DNM3: variants seen among roughly 807,000 people sequenced by gnomAD.
DNM3 encodes dynamin 3.
In DNM3, 47 loss-of-function variants were observed where a neutral mutation model predicts 101.6. The observed-to-expected ratio is 0.46, with a 90% CI of 0.37 to 0.59. The LOEUF (loss-of-function observed/expected upper bound fraction) is 0.59. DNM3 is among the 20% of genes least tolerant of loss of function. The pLI, the probability that DNM3 is intolerant of heterozygous loss-of-function variation, is 0.00. For synonymous variants in DNM3, 385 were observed against 387.9 expected, an observed-to-expected ratio of 0.99 and a Z score of 0.09; for missense variants, 849 against 1,085.7, an observed-to-expected ratio of 0.78 and a Z score of 3.06.
At chr1:172,123,838 A>T (rs1475016808) in intron 13 of DNM3, among the ~76,000 whole-genome samples, 1 of 152,156 alleles carries the variant, frequency 6.6e-6, no homozygotes. Flanking sequence ...TCTGGTGGCC[A>T]ACCAGGGCTG....
chr1:171,945,697 T>G (rs543769819), intron 2 of DNM3, among the ~76,000 whole-genome samples: 13 of 152,260 alleles, frequency 8.5e-5, no homozygotes, highest in African/African-American at 2.9e-4. Context: ...CTAAAATGAT[T>G]TTTATTTTTA....
intron 17 of DNM3, among the ~76,000 whole-genome samples, chr1:172,336,363 T>C (rs2066427439): frequency 6.6e-6 from 1 of 152,124 alleles, no homozygotes; most frequent in Admixed American, 6.6e-5. Flanking sequence ...AATTTATTAT[T>C]GTATACAAAT....
chr1:172,258,569 G>A (rs1007203225), intron 15 of DNM3, among the ~76,000 whole-genome samples: 5 of 151,912 alleles, frequency 3.3e-5, no homozygotes, highest in African/African-American at 4.8e-5. Context: ...TTCATAATAA[G>A]CTCTGATGTT....
At chr1:171,953,135 G>A (rs1225488922) in intron 2 of DNM3, among the ~76,000 whole-genome samples, 1 of 152,152 alleles carries the variant, frequency 6.6e-6, no homozygotes, top group Non-Finnish European at 1.5e-5. Flanking sequence ...GGTATCTAGA[G>A]GACTAACATC....
Position 172,368,377 on chromosome 1 carries a change from A to T in DNM3, c.1894-10641A>T, listed in dbSNP as rs73046853. 1.8e-3 allele frequency among the ~76,000 whole-genome samples: 278 copies of T among 152,072 alleles called. 1 individual carries two copies. The highest frequency in any genetic ancestry group is 6.4e-3 in the African/African-American group (267 of 41,538). Reference sequence around the variant, plus strand: ...TAAACAACATGCTCCAAAACAACCAAAGGGTAAATTAAGAAATTAAGAAGT... The same window carrying T: ...TAAACAACATGCTCCAAAACAACCATAGGGTAAATTAAGAAATTAAGAAGT... On this transcript the variant is annotated intron_variant, in intron 17 of 20. Transcript: ENST00000627582.
intron 2 of DNM3, among the ~76,000 whole-genome samples, chr1:171,970,727 A>G (rs574582039): frequency 3.1e-5 from 3 of 98,018 alleles, no homozygotes; most frequent in Non-Finnish European, 5.4e-5. Flanking sequence ...TCAATATTGT[A>G]TATATGATGT....
intron 4 of DNM3, among the ~76,000 whole-genome samples, chr1:172,023,391 G>A (rs2047978784): frequency 6.6e-6 from 1 of 152,108 alleles, no homozygotes; most frequent in Admixed American, 6.5e-5. Context: ...TGCAAGTCTG[G>A]AAATATCTTT....
intron 2 of DNM3, among the ~76,000 whole-genome samples, chr1:171,974,313 C>T (rs1201508024): frequency 6.6e-6 from 1 of 152,166 alleles, no homozygotes; most frequent in East Asian, 1.9e-4. Context: ...AAAATGAGTG[C>T]ACTTGCTTTT....
intron 10 of DNM3, among the ~76,000 whole-genome samples, chr1:172,064,836 A>C (rs893559739): frequency 6.6e-6 from 1 of 152,084 alleles, no homozygotes; most frequent in Non-Finnish European, 1.5e-5. Context: ...GTGTCTCTTC[A>C]AGGTTTTTCC....
At chr1:171,913,684 C>A (rs2039485811) in intron 1 of DNM3, among the ~76,000 whole-genome samples, 1 of 152,148 alleles carries the variant, frequency 6.6e-6, no homozygotes, top group Admixed American at 6.6e-5. Context: ...CTGTCTTTCT[C>A]TTCCTATCTC....
chr1:172,358,108 G>A (rs1397287930), intron 17 of DNM3, among the ~76,000 whole-genome samples: 1 of 152,054 alleles, frequency 6.6e-6, no homozygotes, highest in East Asian at 1.9e-4. Flanking sequence ...CCTATTGGGA[G>A]GGTATACAGA....
At chr1:171,935,648 A>G (rs1241162109) in intron 2 of DNM3, among the ~76,000 whole-genome samples, 1 of 152,102 alleles carries the variant, frequency 6.6e-6, no homozygotes, top group Non-Finnish European at 1.5e-5. Context: ...GCCAGCTCCT[A>G]AGATCTGATT....
intron 14 of DNM3, among the ~76,000 whole-genome samples, chr1:172,145,893 G>C (rs1209156731): frequency 3.3e-5 from 5 of 152,074 alleles, no homozygotes; most frequent in African/African-American, 1.2e-4. Flanking sequence ...TAAGATATCA[G>C]CCCACTGGCA....
At chr1:172,123,195 C>T (rs186874573) in intron 13 of DNM3, among the ~76,000 whole-genome samples, 1 of 152,260 alleles carries the variant, frequency 6.6e-6, no homozygotes, top group Non-Finnish European at 1.5e-5. Context: ...CTTGTAGAGT[C>T]TTGAAAACAA....
At chr1:172,167,131 C>T (rs896381013) in intron 14 of DNM3, among the ~76,000 whole-genome samples, 1 of 152,050 alleles carries the variant, frequency 6.6e-6, no homozygotes, top group Admixed American at 6.6e-5. Context: ...CAAGTGTTCT[C>T]ATTGTTCAGT....
At chr1:172,385,650 G>T (rs928882579) in intron 18 of DNM3, among the ~76,000 whole-genome samples, 1 of 152,166 alleles carries the variant, frequency 6.6e-6, no homozygotes, top group Non-Finnish European at 1.5e-5. Flanking sequence ...ACATAATGAA[G>T]CTATGTGTTT....
At chr1:172,057,270 G>A (rs1209845684) in intron 10 of DNM3, among the ~76,000 whole-genome samples, 10 of 152,196 alleles carry the variant, frequency 6.6e-5, no homozygotes, top group Non-Finnish European at 1.5e-4. Flanking sequence ...AAAACACTCT[G>A]CAAGATATTA....
At chr1:172,221,725 C>G (rs896265789) in intron 14 of DNM3, among the ~76,000 whole-genome samples, 2 of 152,096 alleles carry the variant, frequency 1.3e-5, no homozygotes, top group African/African-American at 4.8e-5. Flanking sequence ...AAATTATGTG[C>G]ATGCACACAC....
intron 14 of DNM3, among the ~76,000 whole-genome samples, chr1:172,252,573 T>G (rs949866088): frequency 2.0e-5 from 3 of 152,096 alleles, no homozygotes; most frequent in African/African-American, 7.2e-5. Context: ...CCTGCTCTCT[T>G]TCACGGGTAA....
Sources: gnomAD v4.1 joint callset for allele counts (sites outside exome capture counted in the v4.1 genomes callset) on GRCh38, gnomAD v4.1.1 for gene constraint, MANE v1.5 for transcripts, NCBI Gene and HGNC (gene_info 2026-07-23, HGNC 2026-07-21) for gene names.